CNTNAP4: variants seen among roughly 807,000 people sequenced by gnomAD.
CNTNAP4 encodes contactin-associated protein-like 4.
CNTNAP4 carries 98 observed loss-of-function variants against 148.4 expected under a neutral mutation model. The observed-to-expected ratio is 0.66, with a 90% confidence interval of 0.56 to 0.78. The LOEUF (loss-of-function observed/expected upper bound fraction) is 0.78, where lower values mean the gene tolerates loss of function less well. Among genes scored for constraint, CNTNAP4 ranks in the 30% least tolerant of loss-of-function variants. The pLI, the probability that CNTNAP4 is intolerant of heterozygous loss-of-function variation, is 0.00. For synonymous variants in CNTNAP4, 730 were observed against 565.1 expected, an observed-to-expected ratio of 1.29 and a Z score of -4.14; for missense variants, 1,935 against 1,565.6, an observed-to-expected ratio of 1.24 and a Z score of -3.98.
At chr16:76,282,937 G>A (rs1038701577) in intron 1 of CNTNAP4, among the ~76,000 whole-genome samples, 1 of 150,676 alleles carries the variant, frequency 6.6e-6, no homozygotes, top group South Asian at 2.1e-4. Flanking sequence ...ATTGTTTTTA[G>A]TGCTTCAGCT....
chr16:76,517,820 C>A (rs2083306421), intron 15 of CNTNAP4, among the ~76,000 whole-genome samples: 1 of 152,136 alleles, frequency 6.6e-6, no homozygotes, highest in Non-Finnish European at 1.5e-5. Context: ...CGCTGCTCTC[C>A]CTCGATCGCT....
At chr16:76,280,641 C>T (rs1220850352) in intron 1 of CNTNAP4, among the ~76,000 whole-genome samples, 1 of 152,084 alleles carries the variant, frequency 6.6e-6, no homozygotes, top group Non-Finnish European at 1.5e-5. Flanking sequence ...TCTCTTTGTT[C>T]TCATCAAGAT....
intron 3 of CNTNAP4, among the ~76,000 whole-genome samples, chr16:76,360,721 T>G (rs764685016): frequency 1.3e-5 from 2 of 152,180 alleles, no homozygotes; most frequent in African/African-American, 2.4e-5. Flanking sequence ...GTCTAAATCT[T>G]CAGGAAGTTT....
At chr16:76,433,601 G>C (rs1444045395) in intron 4 of CNTNAP4, among the ~76,000 whole-genome samples, 1 of 152,138 alleles carries the variant, frequency 6.6e-6, no homozygotes, top group Non-Finnish European at 1.5e-5. Flanking sequence ...CATTTACCTG[G>C]GTGAGGAAAA....
intron 3 of CNTNAP4, among the ~76,000 whole-genome samples, chr16:76,408,684 C>T (rs1421331918): frequency 6.6e-6 from 1 of 151,946 alleles, no homozygotes; most frequent in Non-Finnish European, 1.5e-5. Context: ...TTTATTTGCA[C>T]CATCAAATAA....
Position 76,452,764 on chromosome 16 carries a change from C to T in CNTNAP4, c.1328C>T (p.Thr443Ile), listed in dbSNP as rs374318989. 37 of 1,574,628 alleles carry T rather than the reference C, an allele frequency of 2.3e-5. No individual in the cohort carries two copies. The African/African-American group carries it at 4.8e-4, about 20-fold the overall frequency. The stretch of plus-strand genomic sequence containing the variant: ...CCAGGAAAATTACCCAGTGACATCA[C>T]AGCAGGTAATAAATGTATTCCCTGG... ...YQPGKLPSDITAGVELNDGQW... is the reference protein window; with the variant it reads ...YQPGKLPSDIIAGVELNDGQW... The change falls in exon 8 of 24, where the codon ACA (threonine) becomes ATA (isoleucine). Residue 443 changes from threonine (T) to isoleucine (I), a missense_variant. Physicochemically the swap from Thr to Ile is moderately conservative, Grantham distance 89 (BLOSUM62 -1). Coordinates refer to ENST00000611870, the MANE Select transcript of CNTNAP4 (RefSeq NM_033401.5).
chr16:76,490,609 C>A (rs75267643), intron 13 of CNTNAP4, among the ~76,000 whole-genome samples: 11,807 of 152,230 alleles, frequency 0.078, 664 homozygotes, highest in Admixed American at 0.15. Context: ...CCATCCAATG[C>A]AAAATCCAAA....
At chr16:76,335,144 A>G (rs1963908614) in intron 2 of CNTNAP4, among the ~76,000 whole-genome samples, 1 of 152,092 alleles carries the variant, frequency 6.6e-6, no homozygotes, top group South Asian at 2.1e-4. Flanking sequence ...GTGTGAAGTG[A>G]TCAGTAGATT....
At chr16:76,420,380 C>T (rs1001411146) in intron 3 of CNTNAP4, among the ~76,000 whole-genome samples, 7 of 151,584 alleles carry the variant, frequency 4.6e-5, no homozygotes, top group African/African-American at 1.7e-4. Flanking sequence ...CAATTTTAGG[C>T]CTAGAAGGCT....
At chr16:76,460,378 G>A (rs1208141070) in intron 8 of CNTNAP4, among the ~76,000 whole-genome samples, 4 of 151,684 alleles carry the variant, frequency 2.6e-5, no homozygotes, top group Admixed American at 2.6e-4. Context: ...CAAAGTACTG[G>A]GATTACAGGC....
At chr16:76,451,168 G>T (rs1302522974) in intron 7 of CNTNAP4, among the ~76,000 whole-genome samples, 2 of 152,160 alleles carry the variant, frequency 1.3e-5, no homozygotes, top group African/African-American at 4.8e-5. Flanking sequence ...CAAACCAGCC[G>T]CTGTGTGACC....
intron 15 of CNTNAP4, among the ~76,000 whole-genome samples, chr16:76,515,661 T>A (rs1422860833): frequency 6.6e-6 from 1 of 152,008 alleles, no homozygotes; most frequent in Non-Finnish European, 1.5e-5. Context: ...GCAAAAGACG[T>A]GGAAGGAGGT....
intron 8 of CNTNAP4, 40 bp from the exon 9 acceptor site, chr16:76,461,916 C>T (rs2080978781): frequency 1.3e-6 from 2 of 1,595,742 alleles, no homozygotes; most frequent in Non-Finnish European, 1.7e-6. Flanking sequence ...TTATAGTGTT[C>T]ACTATTGAGA....
At chr16:76,420,009 A>T (rs138513227) in intron 3 of CNTNAP4, among the ~76,000 whole-genome samples, 1 of 152,060 alleles carries the variant, frequency 6.6e-6, no homozygotes, top group African/African-American at 2.4e-5. Flanking sequence ...TTCAACATAG[A>T]ATTTTGAGAG....
At chr16:76,529,526 T>G (rs2083881839) in intron 17 of CNTNAP4, among the ~76,000 whole-genome samples, 1 of 152,208 alleles carries the variant, frequency 6.6e-6, no homozygotes, top group Non-Finnish European at 1.5e-5. Flanking sequence ...ACTCAGCATT[T>G]TCGTAGAAGC....
chr16:76,393,537 C>T (rs1416736738), intron 3 of CNTNAP4, among the ~76,000 whole-genome samples: 1 of 152,140 alleles, frequency 6.6e-6, no homozygotes, highest in Non-Finnish European at 1.5e-5. Context: ...AAAGTGCTCA[C>T]AGCCTCTTGG....
intron 4 of CNTNAP4, among the ~76,000 whole-genome samples, chr16:76,446,389 A>G (rs995458180): frequency 1.2e-4 from 18 of 152,158 alleles, no homozygotes; most frequent in African/African-American, 4.3e-4. Flanking sequence ...AATTGCCTTA[A>G]AAAAATCTTT....
chr16:76,514,417 AAC>A (rs748977489), intron 15 of CNTNAP4, among the ~76,000 whole-genome samples: 12 of 152,362 alleles, frequency 7.9e-5, no homozygotes, highest in South Asian at 4.1e-4. Flanking sequence ...TTAATATCAA[AAC>A]AGTTTTGTGC....
chr16:76,379,803 C>T (rs552431053), intron 3 of CNTNAP4, among the ~76,000 whole-genome samples: 2 of 152,316 alleles, frequency 1.3e-5, no homozygotes, highest in Admixed American at 1.3e-4. Flanking sequence ...ATCTTTTCTT[C>T]AAATTGATTC....
Sources: gnomAD v4.1 joint callset for allele counts (sites outside exome capture counted in the v4.1 genomes callset) on GRCh38, gnomAD v4.1.1 for gene constraint, MANE v1.5 for transcripts, NCBI Gene and HGNC (gene_info 2026-07-23, HGNC 2026-07-21) for gene names.